Variants in PRKDC observed in about 807,000 individuals in gnomAD.
The protein encoded by PRKDC is protein kinase, DNA-activated, catalytic subunit.
PRKDC carries 82 observed loss-of-function variants against 486.9 expected under a neutral mutation model. That is an observed-to-expected ratio of 0.17 (90% CI 0.14 to 0.20). The LOEUF (loss-of-function observed/expected upper bound fraction) is 0.20. PRKDC is among the 10% of genes least tolerant of loss of function. The pLI, the probability that PRKDC is intolerant of heterozygous loss-of-function variation, is 1.00. For missense variants in PRKDC, 4,504 were observed against 5,038.2 expected (o/e 0.89, Z 3.21); for synonymous variants, 1,895 against 1,837.0 (o/e 1.03, Z -0.81).
intron 25 of PRKDC, 109 bp from the exon 26 acceptor site, chr8:47,905,085 T>C: frequency 2.7e-6 from 2 of 741,712 alleles, no homozygotes; most frequent in Non-Finnish European, 4.4e-6. Flanking sequence ...GTAATACTAC[T>C]ACCATGGTTG....
At chr8:47,854,903 C>T (rs2088497619) in intron 50 of PRKDC, among the ~76,000 whole-genome samples, 1 of 152,036 alleles carries the variant, frequency 6.6e-6, no homozygotes, top group South Asian at 2.1e-4. Context: ...TTTTAGCTTG[C>T]CTCAGGCTAC....
intron 11 of PRKDC, among the ~76,000 whole-genome samples, chr8:47,937,201 C>G (rs1016820951): frequency 6.6e-6 from 1 of 151,936 alleles, no homozygotes; most frequent in Non-Finnish European, 1.5e-5. Context: ...GCGGAGGTTG[C>G]GGTGAGCTGA....
At chr8:47,830,183 T>C (rs8178192) in intron 61 of PRKDC, among the ~76,000 whole-genome samples, 2,185 of 152,322 alleles carry the variant, frequency 0.014, 40 homozygotes, top group African/African-American at 0.042. Flanking sequence ...GTCACTGGCA[T>C]GTGTCTTTTA....
At chr8:47,900,862 A>C (rs972344759) in intron 27 of PRKDC, among the ~76,000 whole-genome samples, 35 of 150,906 alleles carry the variant, frequency 2.3e-4, no homozygotes, top group African/African-American at 7.8e-4. Context: ...AAAAAAAAAA[A>C]TTGTTTTTTT....
chr8:47,798,040 C>G (rs185462947), intron 73 of PRKDC, among the ~76,000 whole-genome samples, 197 bp downstream of exon 73: 1 of 152,232 alleles, frequency 6.6e-6, no homozygotes, highest in Non-Finnish European at 1.5e-5. Flanking sequence ...TCAACACCCA[C>G]AGAGGAAAAT....
chr8:47,788,834 A>G (rs1438134795), intron 76 of PRKDC, 72 bp downstream of exon 76: 3 of 1,317,312 alleles, frequency 2.3e-6, no homozygotes, highest in Admixed American at 5.5e-5. Context: ...AAATATTATT[A>G]CATTTAATAA....
intron 40 of PRKDC, among the ~76,000 whole-genome samples, chr8:47,870,318 C>T (rs556326901): frequency 2.0e-5 from 3 of 152,246 alleles, no homozygotes; most frequent in Admixed American, 1.3e-4. Context: ...TTACCGTTCC[C>T]CCAGCTACAG....
In PRKDC at chr8:47,926,989, A is replaced by G. The variant is rs1238917985; in HGVS notation, c.2419+205T>C. On this transcript the variant is annotated intron_variant, in intron 21 of 85. Coordinates refer to ENST00000314191, the MANE Select transcript of PRKDC (RefSeq NM_006904.7). ...ATCTTAGTAAGCTATAAGTGAGTAAATGAAAAATTTTTTAATACCTCAACT... is the reference window on the plus strand; with the variant it reads ...ATCTTAGTAAGCTATAAGTGAGTAAGTGAAAAATTTTTTAATACCTCAACT... The G allele has an allele frequency of 5.4e-6, 3 of 558,274 alleles. No homozygotes were observed. In the African/African-American group the frequency reaches 5.8e-5, roughly 11 times the overall value. 34.6% of individuals were successfully genotyped at this position (558,274 alleles called of 1,614,324 possible). A position where few individuals can be genotyped will look rare whatever the true frequency, so the allele number is the denominator to read the frequency against.
chr8:47,775,048 G>A (rs1027678986), intron 85 of PRKDC, among the ~76,000 whole-genome samples: 12 of 151,982 alleles, frequency 7.9e-5, no homozygotes, highest in Admixed American at 6.6e-4. Flanking sequence ...ATTACCAGGC[G>A]TGGTAGCATG....
At chr8:47,878,846 G>GAAAAC (rs1182928046) in intron 39 of PRKDC, among the ~76,000 whole-genome samples, 3 of 151,990 alleles carry the variant, frequency 2.0e-5, no homozygotes, top group East Asian at 3.9e-4. Context: ...CAAAACAAAA[G>GAAAAC]AAAACAAAAC....
chr8:47,886,077 C>T lies in PRKDC; in HGVS notation c.4643G>A (p.Gly1548Asp), dbSNP rs1474572936. The T allele has an allele frequency of 1.2e-6, 2 of 1,613,500 alleles. No individual in the cohort carries two copies. The highest frequency in any genetic ancestry group is 1.7e-6 in the Non-Finnish European group (2 of 1,179,908). Residue 1548 changes from glycine (G) to aspartate (D), a missense_variant, in exon 36 of 86, where the codon GGC becomes GAC. This residue lies in a region of PRKDC where 1,969 missense variants were observed against 2,068.9 expected (regional missense o/e 0.95). Coordinates refer to ENST00000314191, the MANE Select transcript of PRKDC (RefSeq NM_006904.7). ...LSTASLGSSQGSVIHFSHGEY... is the reference protein window; with the variant it reads ...LSTASLGSSQDSVIHFSHGEY... The stretch of plus-strand genomic sequence containing the variant: ...CCCATGGGAGAAGTGGATGACGCTG[C>T]CCTGTGAGCTGCCCAAGGACGCCGT...
intron 10 of PRKDC, among the ~76,000 whole-genome samples, chr8:47,940,175 T>C (rs1589807682): frequency 6.6e-6 from 1 of 152,080 alleles, no homozygotes; most frequent in Non-Finnish European, 1.5e-5. Flanking sequence ...ACGTCATCAA[T>C]AAATAGAGTT....
intron 7 of PRKDC, among the ~76,000 whole-genome samples, chr8:47,948,674 C>G (rs1290129164): frequency 1.3e-5 from 2 of 149,774 alleles, no homozygotes; most frequent in Non-Finnish European, 3.0e-5. Context: ...GTTGGTCAGG[C>G]TGGTCTCGAA....
chr8:47,826,372 A>G (rs1183895392), intron 63 of PRKDC, among the ~76,000 whole-genome samples: 1 of 152,262 alleles, frequency 6.6e-6, no homozygotes, highest in Non-Finnish European at 1.5e-5. Flanking sequence ...ACACTTTACA[A>G]GAAACTAAAC....
chr8:47,915,582 C>A (rs1339556563), intron 22 of PRKDC, among the ~76,000 whole-genome samples, 164 bp from the exon 23 acceptor site: 1 of 152,186 alleles, frequency 6.6e-6, no homozygotes, highest in Non-Finnish European at 1.5e-5. Flanking sequence ...ATATCAAGGA[C>A]CCCCAAAGAG....
intron 21 of PRKDC, 110 bp from the exon 22 acceptor site, chr8:47,918,493 A>G (rs144373052): frequency 3.1e-6 from 2 of 645,642 alleles, no homozygotes; most frequent in African/African-American, 3.7e-5. Flanking sequence ...ATCCTAAATT[A>G]TGATTTAAAA....
chr8:47,945,538 C>T (rs931633403), intron 7 of PRKDC, among the ~76,000 whole-genome samples: 1 of 152,134 alleles, frequency 6.6e-6, no homozygotes, highest in Non-Finnish European at 1.5e-5. Context: ...CACTTAGCAT[C>T]CTGTCTGCAA....
At chr8:47,955,396 A>G (rs1223902438) in intron 4 of PRKDC, among the ~76,000 whole-genome samples, 1 of 131,966 alleles carries the variant, frequency 7.6e-6, no homozygotes, top group African/African-American at 2.8e-5. Flanking sequence ...CGGGAGGCGG[A>G]GCTTGCAGTG....
chr8:47,908,078 G>C (rs1048517980), intron 25 of PRKDC, among the ~76,000 whole-genome samples: 1 of 152,196 alleles, frequency 6.6e-6, no homozygotes, highest in South Asian at 2.1e-4. Context: ...GAAGCTGCTA[G>C]GCCAGGACTG....
Sources: allele counts gnomAD v4.1 joint callset (sites outside exome capture counted in the v4.1 genomes callset), GRCh38; gene constraint gnomAD v4.1.1; regional missense constraint gnomAD v4.1.1; transcripts MANE v1.5; gene names NCBI Gene and HGNC (gene_info 2026-07-23, HGNC 2026-07-21).